PTPN4: variants seen among roughly 807,000 people sequenced by gnomAD.
PTPN4 encodes tyrosine-protein phosphatase non-receptor type 4.
PTPN4 carries 49 observed loss-of-function variants against 135.5 expected under a neutral mutation model. The observed-to-expected ratio is 0.36, with a 90% CI of 0.29 to 0.46. PTPN4 has a LOEUF of 0.46. Ranked by LOEUF, PTPN4 falls within the 20% of genes least tolerant of loss-of-function variation. The probability of loss-of-function intolerance (pLI) is 1.00; values close to 1 mark genes in which losing one functional copy is unlikely to be tolerated. For synonymous variants in PTPN4, 333 were observed against 369.9 expected, an observed-to-expected ratio of 0.90 and a Z score of 1.14; for missense variants, 860 against 1,101.0, an observed-to-expected ratio of 0.78 and a Z score of 3.10.
chr2:119,895,133 A>G (rs1031187106), intron 9 of PTPN4, among the ~76,000 whole-genome samples: 1 of 152,190 alleles, frequency 6.6e-6, no homozygotes. Flanking sequence ...AGGGAAGGTG[A>G]TGAGGGGAGT....
At chr2:119,899,817 C>A (rs1259832075) in intron 9 of PTPN4, among the ~76,000 whole-genome samples, 5 of 151,952 alleles carry the variant, frequency 3.3e-5, no homozygotes, top group African/African-American at 1.2e-4. Context: ...TTGCATTTGA[C>A]CATTTATGTA....
intron 1 of PTPN4, among the ~76,000 whole-genome samples, chr2:119,776,277 G>A (rs1296327530): frequency 6.6e-6 from 1 of 152,148 alleles, no homozygotes; most frequent in African/African-American, 2.4e-5. Context: ...CTGGGTTCAC[G>A]CCATTCTCCT....
intron 20 of PTPN4, among the ~76,000 whole-genome samples, chr2:119,955,866 G>A (rs1009476657): frequency 6.6e-6 from 1 of 152,050 alleles, no homozygotes; most frequent in Non-Finnish European, 1.5e-5. Flanking sequence ...GAACCTGGGA[G>A]GCAGAGCTTG....
chr2:119,920,310 G>C, intron 12 of PTPN4, 69 bp downstream of exon 12: 2 of 1,466,596 alleles, frequency 1.4e-6, no homozygotes, highest in Non-Finnish European at 1.9e-6. Flanking sequence ...TAAAGATGTA[G>C]TTTATGGAAC....
chr2:119,946,623 C>A, intron 18 of PTPN4, 49 bp downstream of exon 18: 1 of 1,327,956 alleles, frequency 7.5e-7, no homozygotes. Flanking sequence ...AGAATATGTA[C>A]TTATTTTATA....
intron 9 of PTPN4, among the ~76,000 whole-genome samples, chr2:119,890,270 G>GGCT (rs1678221703): frequency 8.8e-6 from 1 of 113,442 alleles, no homozygotes; most frequent in South Asian, 2.7e-4. Context: ...GACCTTCTTT[G>GGCT]TCTTTTTTTT....
chr2:119,899,527 G>A (rs188477728), intron 9 of PTPN4, among the ~76,000 whole-genome samples: 33 of 152,086 alleles, frequency 2.2e-4, no homozygotes, highest in Non-Finnish European at 7.4e-5. Context: ...GATAACATAT[G>A]TTCATATGTT....
intron 9 of PTPN4, among the ~76,000 whole-genome samples, chr2:119,886,414 CT>C (rs1269241278): frequency 6.6e-6 from 1 of 152,148 alleles, no homozygotes; most frequent in Non-Finnish European, 1.5e-5. Context: ...CTTCTTTTCC[CT>C]TGTGTCAAAC....
rs151034422 is a variant in PTPN4 at position 119,901,937 on chromosome 2, G to A, written c.764+1131G>A. 1.9e-3 allele frequency among the ~76,000 whole-genome samples: 293 copies of A among 152,126 alleles called. 1 individual carries two copies. The highest frequency in any genetic ancestry group is 3.4e-3 in the Admixed American group (52 of 15,288). ...AAACTTCAAAAACCGAAAAGTGATG[G>A]GAAAAAGGAATGAAAGAACAGTATT... On this transcript the variant is annotated intron_variant, in intron 10 of 26. Transcript: ENST00000263708.
intron 1 of PTPN4, among the ~76,000 whole-genome samples, chr2:119,778,021 C>A: frequency 6.7e-6 from 1 of 150,112 alleles, no homozygotes; most frequent in African/African-American, 2.4e-5. Flanking sequence ...TTTTTTTTTC[C>A]TCTAAAAAAA....
At chr2:119,954,860 C>T (rs892622937) in intron 19 of PTPN4, among the ~76,000 whole-genome samples, 6 of 152,080 alleles carry the variant, frequency 3.9e-5, no homozygotes, top group Non-Finnish European at 5.9e-5. Context: ...AAATTAAGAG[C>T]GGGTGTATTC....
chr2:119,780,078 A>G (rs941953286), intron 1 of PTPN4, among the ~76,000 whole-genome samples: 1 of 152,044 alleles, frequency 6.6e-6, no homozygotes, highest in African/African-American at 2.4e-5. Context: ...TTTCCTCACA[A>G]CTTTTTATTT....
intron 10 of PTPN4, among the ~76,000 whole-genome samples, chr2:119,912,156 G>A (rs1678580789): frequency 6.6e-6 from 1 of 152,150 alleles, no homozygotes; most frequent in Admixed American, 6.6e-5. Context: ...AAATAATTAA[G>A]CGGAGTGACA....
chr2:119,932,655 C>G (rs1678923051), intron 14 of PTPN4, 106 bp downstream of exon 14: 3 of 1,309,184 alleles, frequency 2.3e-6, no homozygotes, highest in Admixed American at 2.3e-5. Flanking sequence ...AAATTGAATT[C>G]TTTTGGTGAA....
intron 2 of PTPN4, among the ~76,000 whole-genome samples, chr2:119,847,319 T>C (rs866527566): frequency 1.8e-3 from 190 of 103,156 alleles, no homozygotes; most frequent in Non-Finnish European, 3.3e-3. Context: ...CACACACATA[T>C]ATATATATAT....
intron 23 of PTPN4, among the ~76,000 whole-genome samples, chr2:119,962,093 A>C (rs1679374490): frequency 6.6e-6 from 1 of 152,204 alleles, no homozygotes; most frequent in Non-Finnish European, 1.5e-5. Flanking sequence ...CTTAAGATTT[A>C]ATGAGGATTT....
intron 1 of PTPN4, among the ~76,000 whole-genome samples, chr2:119,807,403 C>G (rs1001721658): frequency 6.6e-6 from 1 of 152,066 alleles, no homozygotes; most frequent in African/African-American, 2.4e-5. Context: ...ATATCACCAC[C>G]CATCCCACAG....
chr2:119,815,583 T>A (rs1165571219), intron 2 of PTPN4, among the ~76,000 whole-genome samples: 3 of 152,212 alleles, frequency 2.0e-5, no homozygotes, highest in Non-Finnish European at 4.4e-5. Context: ...ACAGAAATTT[T>A]AAAATGCCAG....
chr2:119,806,319 A>G (rs917491652), intron 1 of PTPN4, among the ~76,000 whole-genome samples: 20 of 152,298 alleles, frequency 1.3e-4, no homozygotes, highest in African/African-American at 4.3e-4. Context: ...AGTGTGCTGT[A>G]TTCAGGAGAC....
Sources: gnomAD v4.1 joint callset for allele counts (sites outside exome capture counted in the v4.1 genomes callset) on GRCh38, gnomAD v4.1.1 for gene constraint, MANE v1.5 for transcripts, NCBI Gene and HGNC (gene_info 2026-07-23, HGNC 2026-07-21) for gene names.